ITGB2: variants seen among roughly 807,000 people sequenced by gnomAD.
The protein encoded by ITGB2 is integrin subunit beta 2, also known as integrin beta-2.
ITGB2 carries 56 observed loss-of-function variants against 86.8 expected under a neutral mutation model. That is an observed-to-expected ratio of 0.65 (90% CI 0.52 to 0.81). ITGB2 has a LOEUF of 0.81. Among genes scored for constraint, ITGB2 ranks in the 30% least tolerant of loss-of-function variants. The pLI is 0.00. For synonymous variants in ITGB2, 457 were observed against 450.4 expected, an observed-to-expected ratio of 1.01 and a Z score of -0.19; for missense variants, 948 against 1,061.2, an observed-to-expected ratio of 0.89 and a Z score of 1.48.
intron 9 of ITGB2, 35 bp downstream of exon 9, chr21:44,894,936 C>A (rs1320470817): frequency 2.1e-6 from 3 of 1,425,308 alleles, no homozygotes; most frequent in East Asian, 2.3e-5. Context: ...GCTGGCCACC[C>A]CATGGGTCCC....
At chr21:44,910,205 G>C in intron 3 of ITGB2, 79 bp downstream of exon 3, 1 of 1,547,924 alleles carries the variant, frequency 6.5e-7, no homozygotes, top group Non-Finnish European at 8.8e-7. Context: ...TGGTCCTCTG[G>C]GTGCCACTGG....
At chr21:44,928,490 A>T (rs1385176058) in intron 1 of ITGB2, 1 of 152,490 alleles carries the variant, frequency 6.6e-6, no homozygotes, top group Non-Finnish European at 1.5e-5. Flanking sequence ...GCAGTGGGAG[A>T]TAATGCCCTC....
intron 8 of ITGB2, among the ~76,000 whole-genome samples, chr21:44,897,967 C>T (rs2083893376): frequency 6.6e-6 from 1 of 152,208 alleles, no homozygotes. Context: ...TGGCTGGCCA[C>T]ACCCCACACA....
chr21:44,887,000 G>C, intron 14 of ITGB2, 98 bp from the exon 15 acceptor site: 7 of 1,465,238 alleles, frequency 4.8e-6, no homozygotes, highest in Non-Finnish European at 6.6e-6. Context: ...AGCACTTAGA[G>C]AGACGGAGGT....
chr21:44,902,341 T>C (rs2083972953), intron 5 of ITGB2, among the ~76,000 whole-genome samples: 1 of 152,192 alleles, frequency 6.6e-6, no homozygotes, highest in Non-Finnish European at 1.5e-5. Flanking sequence ...GAGCATGCAT[T>C]CATGTGTGTG....
intron 1 of ITGB2, among the ~76,000 whole-genome samples, chr21:44,915,261 T>A (rs957977497): frequency 3.9e-5 from 6 of 152,168 alleles, no homozygotes; most frequent in Non-Finnish European, 5.9e-5. Flanking sequence ...CCTGACCTCA[T>A]GATCCGCCCA....
intron 3 of ITGB2, chr21:44,908,206 T>G: frequency 1.4e-6 from 1 of 705,788 alleles, no homozygotes. Context: ...AATTGAGAAA[T>G]GAGGAAGCTG....
intron 7 of ITGB2, among the ~76,000 whole-genome samples, chr21:44,899,734 CCT>C (rs1180750225): frequency 3.3e-5 from 5 of 152,354 alleles, no homozygotes; most frequent in Admixed American, 1.3e-4. Context: ...AGTCCTGGCC[CCT>C]CTGAGCCATT....
intron 8 of ITGB2, among the ~76,000 whole-genome samples, chr21:44,898,016 G>A (rs962148425): frequency 6.6e-6 from 1 of 152,132 alleles, no homozygotes; most frequent in Non-Finnish European, 1.5e-5. Context: ...CTCCTGAGAG[G>A]TAGCCTCTGA....
intron 7 of ITGB2, 95 bp from the exon 8 acceptor site, chr21:44,899,257 C>T (rs920320211): frequency 2.3e-5 from 22 of 944,304 alleles, no homozygotes; most frequent in Non-Finnish European, 3.2e-5. Context: ...CAGCCCTGCC[C>T]GTGCTTCGAA....
upstream of ITGB2, among the ~76,000 whole-genome samples, chr21:44,921,642 A>C (rs571619055): frequency 6.6e-6 from 1 of 152,172 alleles, no homozygotes; most frequent in Admixed American, 6.5e-5. Flanking sequence ...TAGAAAAAAA[A>C]CCCAAATCAG....
intron 1 of ITGB2, chr21:44,928,021 C>T (rs1054939516): frequency 1.3e-5 from 2 of 151,998 alleles, no homozygotes; most frequent in Non-Finnish European, 2.9e-5. Flanking sequence ...GGGCCTGTGC[C>T]CCCCCAACCC....
At position 44,901,689 on chromosome 21, in the gene ITGB2, T is replaced by C; in HGVS notation, c.544A>G (p.Thr182Ala). The change falls in exon 6 of 16, where the codon ACG becomes GCG. Residue 182 changes from threonine (T) to alanine (A), a missense_variant. Transcript: ENST00000652462. ...GGGTTTCGCAGCTTATCAGGGTGCG[T>C]GTTCACGAACGGCAGCACGGTCTTG... is the stretch of plus-strand genomic sequence containing the variant. ...VDKTVLPFVNTHPDKLRNPCP... is the reference protein window; with the variant it reads ...VDKTVLPFVNAHPDKLRNPCP... 6.2e-7 allele frequency: 1 copy of C among 1,613,524 alleles called. No homozygotes were observed. Among genetic ancestry groups the C allele is most frequent in the Non-Finnish European group, 8.5e-7 (1 of 1,179,430 alleles).
At position 44,906,937 on chromosome 21, in the gene ITGB2, T is replaced by C; in HGVS notation, c.306A>G (p.Lys102=). 1 of 1,614,016 alleles carries C rather than the reference T, an allele frequency of 6.2e-7. No homozygotes were observed. Among genetic ancestry groups the C allele is most frequent in the South Asian group, 1.1e-5 (1 of 91,078 alleles). The change falls in exon 4 of 16, where the codon AAA becomes AAG. Residue 102 remains lysine, a synonymous_variant. Transcript: ENST00000652462. ...NGGQKQLSPQ[K]VTLYLRPGQA... ...TACCTGGTCGCAGGTAAAGCGTCAC[T>C]TTTTGTGGGGACAGCTGCTTCTGGC...
At chr21:44,893,776 G>A in intron 9 of ITGB2, 2 of 543,834 alleles carry the variant, frequency 3.7e-6, no homozygotes, top group Non-Finnish European at 6.9e-6. Context: ...GCCAGGGTGT[G>A]AGCCTCAGGG....
At chr21:44,891,709 G>T in intron 11 of ITGB2, 100 bp downstream of exon 11, 1 of 1,357,220 alleles carries the variant, frequency 7.4e-7, no homozygotes, top group Non-Finnish European at 1.0e-6. Flanking sequence ...CCGTGGGGTG[G>T]GGGAAGGGAT....
At position 44,917,621 on chromosome 21, in the gene ITGB2, C is replaced by T. The variant is rs555254287; in HGVS notation, c.-4+3200G>A. On this transcript the variant is annotated intron_variant, in intron 1 of 15. Coordinates refer to ENST00000652462, the MANE Select transcript of ITGB2 (RefSeq NM_000211.5). Reference sequence around the variant, plus strand: ...CTCACCCATTCACCCATCCATGGGACAGGGGCTTGCCAGCCTCTCCTCTAG... The same window carrying T: ...CTCACCCATTCACCCATCCATGGGATAGGGGCTTGCCAGCCTCTCCTCTAG... Among the ~76,000 whole-genome samples the T allele has an allele frequency of 2.6e-5, 4 of 152,264 alleles. No homozygotes were observed. The East Asian group carries it at 7.7e-4, about 29-fold the overall frequency.
At chr21:44,908,178 G>A (rs774748946) in intron 3 of ITGB2, 47 of 731,388 alleles carry the variant, frequency 6.4e-5, no homozygotes, top group African/African-American at 2.9e-4. Flanking sequence ...ACCCAAAGCC[G>A]CTCCCTGTGG....
intron 3 of ITGB2, among the ~76,000 whole-genome samples, chr21:44,908,492 T>C (rs1013323369): frequency 2.0e-5 from 3 of 152,118 alleles, no homozygotes; most frequent in African/African-American, 7.2e-5. Context: ...TTGCAAAACT[T>C]TCTGTTCTGT....
Sources: gnomAD v4.1 joint callset for allele counts (sites outside exome capture counted in the v4.1 genomes callset) on GRCh38, gnomAD v4.1.1 for gene constraint, MANE v1.5 for transcripts, NCBI Gene and HGNC (gene_info 2026-07-23, HGNC 2026-07-21) for gene names.